RSPO2: variants seen among roughly 807,000 people sequenced by gnomAD.
RSPO2 encodes R-spondin 2.
Under a neutral mutation model 30.9 loss-of-function variants are expected in RSPO2, and 14 were observed. That is an observed-to-expected ratio of 0.45 (90% CI 0.30 to 0.71). The LOEUF (loss-of-function observed/expected upper bound fraction) is 0.71. Among genes scored for constraint, RSPO2 ranks in the 30% least tolerant of loss-of-function variants. RSPO2 has a pLI of 0.08. For missense variants in RSPO2, 264 were observed against 301.9 expected, an observed-to-expected ratio of 0.87 and a Z score of 0.93; for synonymous variants, 107 against 96.4, an observed-to-expected ratio of 1.11 and a Z score of -0.64.
At chr8:108,003,307 ATATATTTTTTTTT>A (rs1421463413) in intron 2 of RSPO2, among the ~76,000 whole-genome samples, 74 of 21,834 alleles carry the variant, frequency 3.4e-3, no homozygotes, top group African/African-American at 0.011. Flanking sequence ...ATATATATAT[ATATATTTTTTTTT>A]TTTTTTTTTT....
chr8:107,988,928 A>G (rs1814744888), intron 3 of RSPO2, 128 bp downstream of exon 3: 6 of 849,756 alleles, frequency 7.1e-6, no homozygotes. Flanking sequence ...ACACCCAGCA[A>G]GCTTAAACTA....
chr8:108,038,826 T>C (rs1486783745), intron 2 of RSPO2, among the ~76,000 whole-genome samples: 1 of 152,166 alleles, frequency 6.6e-6, no homozygotes, highest in Non-Finnish European at 1.5e-5. Flanking sequence ...CATAAGGCTA[T>C]TGGCTACTTA....
chr8:108,055,036 G>A (rs1812200165), intron 2 of RSPO2, among the ~76,000 whole-genome samples: 1 of 152,166 alleles, frequency 6.6e-6, no homozygotes, highest in Non-Finnish European at 1.5e-5. Context: ...TGGGAGGATC[G>A]CTTGAGCCCA....
chr8:108,024,048 C>T (rs73321428), intron 2 of RSPO2, among the ~76,000 whole-genome samples: 4,438 of 152,086 alleles, frequency 0.029, 210 homozygotes, highest in African/African-American at 0.099. Flanking sequence ...TGTCCAAATA[C>T]GGTGTGTCCC....
chr8:108,003,307 ATATATTTTT>A (rs1426636415), intron 2 of RSPO2, among the ~76,000 whole-genome samples: 1,650 of 21,794 alleles, frequency 0.076, 62 homozygotes, highest in African/African-American at 0.26. Flanking sequence ...ATATATATAT[ATATATTTTT>A]TTTTTTTTTT....
At chr8:107,947,746 C>T (rs1003251460) in intron 5 of RSPO2, among the ~76,000 whole-genome samples, 1 of 152,230 alleles carries the variant, frequency 6.6e-6, no homozygotes, top group Non-Finnish European at 1.5e-5. Context: ...CACCTTCACA[C>T]TCAAATGTCT....
At chr8:107,947,154 G>A (rs1813089459) in intron 5 of RSPO2, among the ~76,000 whole-genome samples, 1 of 152,192 alleles carries the variant, frequency 6.6e-6, no homozygotes, top group Non-Finnish European at 1.5e-5. Flanking sequence ...TTGCTAGTCA[G>A]CGGCATGTTA....
intron 5 of RSPO2, among the ~76,000 whole-genome samples, chr8:107,950,502 T>TTA (rs397709030): frequency 6.6e-6 from 1 of 151,678 alleles, no homozygotes; most frequent in Non-Finnish European, 1.5e-5. Context: ...GTTTTTTTTT[T>TTA]ACCATGTTAT....
chr8:107,992,355 G>T (rs1455316514), intron 2 of RSPO2, among the ~76,000 whole-genome samples: 1 of 152,134 alleles, frequency 6.6e-6, no homozygotes, highest in Non-Finnish European at 1.5e-5. Flanking sequence ...GCTTAATGAT[G>T]AGAACACATG....
chr8:107,940,988 T>A (rs1304940005), intron 5 of RSPO2, among the ~76,000 whole-genome samples: 1 of 152,122 alleles, frequency 6.6e-6, no homozygotes, highest in East Asian at 1.9e-4. Context: ...TTTTAATCTC[T>A]GTTGTAGCAG....
rs1052686516 is a variant in RSPO2 at position 107,969,506 on chromosome 8, C to T, written c.284-8689G>A. On this transcript the variant is annotated intron_variant, in intron 3 of 5. Coordinates refer to ENST00000276659, the MANE Select transcript of RSPO2 (RefSeq NM_178565.5). ...CCCACATAGAAAAAATATGAAGAAA[C>T]GTGGAGGCTTGTGTAAAATTATGTG... Among the ~76,000 whole-genome samples, 58 of 152,104 alleles carry T rather than the reference C, an allele frequency of 3.8e-4. 2 individuals carry two copies. The highest frequency in any genetic ancestry group is 3.3e-3 in the Admixed American group (50 of 15,282).
At position 107,980,989 on chromosome 8, in the gene RSPO2, C is replaced by G. The variant is rs151047206; in HGVS notation, c.283+8067G>C. 8.3e-4 allele frequency among the ~76,000 whole-genome samples: 126 copies of G among 152,260 alleles called. No individual in the cohort carries two copies. In the Middle Eastern group the frequency reaches 0.01, roughly 12 times the overall value. On this transcript the variant is annotated intron_variant, in intron 3 of 5. Transcript: ENST00000276659. Reference sequence around the variant, plus strand: ...GGTCTAAGTATCCTCCAAACGAAGACATTTGTTATTTTTAATTTTATTTCT... The same window carrying G: ...GGTCTAAGTATCCTCCAAACGAAGAGATTTGTTATTTTTAATTTTATTTCT...
intron 5 of RSPO2, among the ~76,000 whole-genome samples, chr8:107,914,952 G>A (rs1408432105): frequency 6.6e-6 from 1 of 151,998 alleles, no homozygotes; most frequent in East Asian, 1.9e-4. Context: ...ATCTTTCTTT[G>A]AAAGACAACT....
chr8:107,953,971 C>T (rs7833349), intron 5 of RSPO2, among the ~76,000 whole-genome samples: 15,027 of 152,244 alleles, frequency 0.099, 938 homozygotes, highest in East Asian at 0.22. Context: ...TGTACCATCA[C>T]CCACTTCTTT....
intron 5 of RSPO2, among the ~76,000 whole-genome samples, chr8:107,902,768 C>A (rs1811518918): frequency 6.6e-6 from 1 of 151,908 alleles, no homozygotes; most frequent in African/African-American, 2.4e-5. Context: ...ATCTTTTTAT[C>A]ACAAGAAAAA....
At chr8:107,968,017 T>A (rs1247201826) in intron 3 of RSPO2, among the ~76,000 whole-genome samples, 1 of 152,152 alleles carries the variant, frequency 6.6e-6, no homozygotes, top group African/African-American at 2.4e-5. Context: ...ACCTGCTGTG[T>A]AATTAGTTAT....
intron 5 of RSPO2, among the ~76,000 whole-genome samples, chr8:107,929,446 G>A (rs1305565168): frequency 6.6e-6 from 1 of 152,174 alleles, no homozygotes; most frequent in East Asian, 1.9e-4. Flanking sequence ...CAGATCCTGT[G>A]GCTTGGCTCT....
chr8:108,010,509 T>A (rs1384058952), intron 2 of RSPO2, among the ~76,000 whole-genome samples: 4 of 152,042 alleles, frequency 2.6e-5, no homozygotes, highest in Non-Finnish European at 5.9e-5. Flanking sequence ...TAGTAAGCCA[T>A]CCAAAATATC....
intron 2 of RSPO2, among the ~76,000 whole-genome samples, chr8:108,055,640 A>G (rs1388891048): frequency 6.6e-6 from 1 of 152,196 alleles, no homozygotes; most frequent in Non-Finnish European, 1.5e-5. Flanking sequence ...GAAAACAAGG[A>G]CTATTTAAGC....
Sources: gnomAD v4.1 joint callset for allele counts (sites outside exome capture counted in the v4.1 genomes callset) on GRCh38, gnomAD v4.1.1 for gene constraint, MANE v1.5 for transcripts, NCBI Gene and HGNC (gene_info 2026-07-23, HGNC 2026-07-21) for gene names.